BMP5: variants seen among roughly 807,000 people sequenced by gnomAD.
BMP5 encodes bone morphogenetic protein 5.
A neutral mutation model predicts 46.6 loss-of-function variants in BMP5; 23 were observed. That is an observed-to-expected ratio of 0.49 (90% CI 0.35 to 0.70). BMP5 has a LOEUF of 0.70. Among genes scored for constraint, BMP5 ranks in the 30% least tolerant of loss-of-function variants. The pLI, the probability that BMP5 is intolerant of heterozygous loss-of-function variation, is 0.00. For synonymous variants in BMP5, 204 were observed against 191.9 expected (o/e 1.06, Z -0.52); for missense variants, 545 against 565.6 (o/e 0.96, Z 0.37).
intron 6 of BMP5, 89 bp downstream of exon 6, chr6:55,758,916 A>T: frequency 1.1e-6 from 1 of 938,244 alleles, no homozygotes; most frequent in Non-Finnish European, 1.8e-6. Flanking sequence ...ATAATGCATT[A>T]AAATTGTAAA....
chr6:55,790,399 A>G (rs1775550198), intron 3 of BMP5, among the ~76,000 whole-genome samples: 2 of 152,322 alleles, frequency 1.3e-5, no homozygotes, highest in Non-Finnish European at 2.9e-5. Flanking sequence ...TGACCTCATG[A>G]AACTGACATT....
intron 1 of BMP5, among the ~76,000 whole-genome samples, chr6:55,838,427 C>A (rs2127544670): frequency 6.6e-6 from 1 of 152,264 alleles, no homozygotes; most frequent in East Asian, 1.9e-4. Context: ...ACCTGTTTGC[C>A]ATTTGTATGT....
rs79112084 is a variant in BMP5, at chr6:55,818,499, A to G, written c.683+1156T>C. On this transcript the variant is annotated intron_variant, in intron 2 of 6. Coordinates refer to ENST00000370830, the MANE Select transcript of BMP5 (RefSeq NM_021073.4). ...ACTTTGGGCACATCACAATGTCCCAAATTAGATTGTATTTAATTCAAGACC... is the reference window on the plus strand; with the variant it reads ...ACTTTGGGCACATCACAATGTCCCAGATTAGATTGTATTTAATTCAAGACC... Among the ~76,000 whole-genome samples the G allele has an allele frequency of 1.1e-3, 160 of 152,242 alleles. 2 individuals carry two copies. The East Asian group carries it at 0.011, about 10-fold the overall frequency.
intron 1 of BMP5, 87 bp from the exon 2 acceptor site, chr6:55,819,934 AAAAC>A: frequency 8.4e-7 from 1 of 1,192,864 alleles, no homozygotes; most frequent in Non-Finnish European, 1.2e-6. Context: ...GCTTTGAAAG[AAAAC>A]AAACAAGCAG....
intron 2 of BMP5, among the ~76,000 whole-genome samples, chr6:55,804,856 A>G (rs527770614): frequency 4.6e-5 from 7 of 152,304 alleles, no homozygotes; most frequent in African/African-American, 1.7e-4. Flanking sequence ...GATAATCATG[A>G]GGCTACTTAT....
chr6:55,813,857 CTTGT>C (rs1776195033), intron 2 of BMP5, among the ~76,000 whole-genome samples: 1 of 149,580 alleles, frequency 6.7e-6, no homozygotes, highest in Admixed American at 6.6e-5. Flanking sequence ...TAACTTTTTT[CTTGT>C]TTAATTATGT....
chr6:55,760,036 T>A (rs1190524901), intron 5 of BMP5, among the ~76,000 whole-genome samples: 3 of 151,866 alleles, frequency 2.0e-5, no homozygotes, highest in African/African-American at 7.2e-5. Context: ...AGCAATACAT[T>A]TTTAAGTGCA....
intron 3 of BMP5, among the ~76,000 whole-genome samples, chr6:55,787,503 A>G (rs1246748126): frequency 3.3e-5 from 5 of 151,724 alleles, no homozygotes; most frequent in African/African-American, 4.8e-5. Context: ...TTAACAGAAT[A>G]CATTTAGGAA....
At chr6:55,816,885 C>T (rs578163021) in intron 2 of BMP5, among the ~76,000 whole-genome samples, 5 of 151,906 alleles carry the variant, frequency 3.3e-5, no homozygotes, top group East Asian at 1.9e-4. Flanking sequence ...CTACAAAGAA[C>T]GCAAACAAAT....
chr6:55,815,314 C>T, intron 2 of BMP5, among the ~76,000 whole-genome samples: 1 of 152,006 alleles, frequency 6.6e-6, no homozygotes, highest in East Asian at 1.9e-4. Flanking sequence ...TAACACTACT[C>T]AATAGCAGAT....
chr6:55,858,695 T>C (rs998815329), intron 1 of BMP5, among the ~76,000 whole-genome samples: 1 of 152,244 alleles, frequency 6.6e-6, no homozygotes, highest in African/African-American at 2.4e-5. Flanking sequence ...GTGTATTTAT[T>C]GCAGCACTAT....
intron 3 of BMP5, among the ~76,000 whole-genome samples, chr6:55,793,170 G>A (rs1775615703): frequency 6.6e-6 from 1 of 152,148 alleles, no homozygotes; most frequent in African/African-American, 2.4e-5. Context: ...GGGCAACAAA[G>A]ATCTGAATAT....
intron 1 of BMP5, among the ~76,000 whole-genome samples, chr6:55,862,288 G>A (rs528281152): frequency 6.6e-6 from 1 of 152,108 alleles, no homozygotes; most frequent in Non-Finnish European, 1.5e-5. Flanking sequence ...AATATTGGTC[G>A]ATTTTTCTCG....
intron 1 of BMP5, among the ~76,000 whole-genome samples, chr6:55,854,406 G>T (rs538177611): frequency 2.6e-5 from 4 of 151,868 alleles, no homozygotes; most frequent in African/African-American, 9.6e-5. Context: ...TAAAATTAAT[G>T]CAATTTAAGA....
Position 55,803,294 on chromosome 6 carries a change from C to T in BMP5, c.684-8867G>A, listed in dbSNP as rs190666621. On this transcript the variant is annotated intron_variant, in intron 2 of 6. Coordinates refer to ENST00000370830, the MANE Select transcript of BMP5 (RefSeq NM_021073.4). ...CTATGTGACAAGAGCGAAGCTCTGCCTCAAACAAAACAAAACAAACAAAAA... is the reference window on the plus strand; with the variant it reads ...CTATGTGACAAGAGCGAAGCTCTGCTTCAAACAAAACAAAACAAACAAAAA... 4.0e-3 allele frequency among the ~76,000 whole-genome samples: 609 copies of T among 150,948 alleles called. 3 individuals are homozygous for T. The highest frequency in any genetic ancestry group is 6.8e-3 in the Non-Finnish European group (461 of 67,828).
intron 3 of BMP5, among the ~76,000 whole-genome samples, chr6:55,782,172 G>A (rs1241885955): frequency 6.6e-6 from 1 of 152,046 alleles, no homozygotes; most frequent in Non-Finnish European, 1.5e-5. Flanking sequence ...TAAAATGATG[G>A]ATATGATAAT....
In BMP5 at chr6:55,782,446, C is replaced by T. The variant is rs187637088; in HGVS notation, c.833-8203G>A. On this transcript the variant is annotated intron_variant, in intron 3 of 6. Transcript: ENST00000370830. ...CATCTAGCCTGCCCCACATAAGGGA[C>T]GAGTTACAAGGTGAAATCTTACACC... Among the ~76,000 whole-genome samples the T allele has an allele frequency of 2.8e-4, 42 of 152,184 alleles. 1 individual carries two copies. The highest frequency in any genetic ancestry group is 2.4e-3 in the Admixed American group (37 of 15,270).
At chr6:55,855,719 T>A in intron 1 of BMP5, among the ~76,000 whole-genome samples, 1 of 152,298 alleles carries the variant, frequency 6.6e-6, no homozygotes, top group Middle Eastern at 3.4e-3. Flanking sequence ...TTTCTTTTGG[T>A]ACCAAACTTC....
intron 6 of BMP5, among the ~76,000 whole-genome samples, chr6:55,756,196 A>G (rs539038042): frequency 6.6e-6 from 1 of 152,154 alleles, no homozygotes; most frequent in East Asian, 1.9e-4. Context: ...ATAATAAAAT[A>G]AAATCCACAT....
Sources: gnomAD v4.1 joint callset for allele counts (sites outside exome capture counted in the v4.1 genomes callset) on GRCh38, gnomAD v4.1.1 for gene constraint, MANE v1.5 for transcripts, NCBI Gene and HGNC (gene_info 2026-07-23, HGNC 2026-07-21) for gene names.